The following SNTG1 variants were observed in gnomAD, a reference collection of about 807,000 sequenced individuals.
SNTG1 encodes syntrophin gamma 1.
A neutral mutation model predicts 74.7 loss-of-function variants in SNTG1; 39 were observed. That is an observed-to-expected ratio of 0.52 (90% confidence interval 0.40 to 0.68). SNTG1 has a LOEUF of 0.68. Ranked by LOEUF, SNTG1 falls within the 30% of genes least tolerant of loss-of-function variation. SNTG1 has a pLI of 0.00. For missense variants in SNTG1, 685 were observed against 609.5 expected, an observed-to-expected ratio of 1.12 and a Z score of -1.30; for synonymous variants, 254 against 217.1, an observed-to-expected ratio of 1.17 and a Z score of -1.49.
chr8:50,038,031 T>C (rs1023225070), intron 1 of SNTG1, among the ~76,000 whole-genome samples: 3 of 152,124 alleles, frequency 2.0e-5, no homozygotes, highest in Non-Finnish European at 4.4e-5. Flanking sequence ...CCTTCCACAC[T>C]CCAACTACGA....
At chr8:50,143,595 T>C (rs2081751052) in intron 1 of SNTG1, among the ~76,000 whole-genome samples, 1 of 152,222 alleles carries the variant, frequency 6.6e-6, no homozygotes. Context: ...CTTTTAAACA[T>C]ACATATGCAT....
At chr8:50,529,190 T>C (rs1404293802) in intron 9 of SNTG1, among the ~76,000 whole-genome samples, 4 of 151,956 alleles carry the variant, frequency 2.6e-5, no homozygotes, top group Non-Finnish European at 5.9e-5. Context: ...ATGTAGAAGA[T>C]ATAAATGCAA....
At chr8:50,343,706 C>A (rs2091387029) in intron 2 of SNTG1, among the ~76,000 whole-genome samples, 1 of 152,116 alleles carries the variant, frequency 6.6e-6, no homozygotes, top group African/African-American at 2.4e-5. Context: ...GATTAAATTA[C>A]ATTTATGATT....
At chr8:50,000,656 A>G (rs1195072641) in intron 1 of SNTG1, among the ~76,000 whole-genome samples, 1 of 152,208 alleles carries the variant, frequency 6.6e-6, no homozygotes, top group Non-Finnish European at 1.5e-5. Flanking sequence ...CTTGGCTGCA[A>G]TAATTGAAGC....
chr8:50,192,173 T>C (rs1167644924), intron 2 of SNTG1, among the ~76,000 whole-genome samples: 3 of 152,158 alleles, frequency 2.0e-5, no homozygotes, highest in African/African-American at 4.8e-5. Flanking sequence ...TGTTGTTGTT[T>C]TGTTGTTTGT....
intron 1 of SNTG1, among the ~76,000 whole-genome samples, chr8:50,036,646 C>T (rs1818192668): frequency 6.6e-6 from 1 of 152,162 alleles, no homozygotes; most frequent in Non-Finnish European, 1.5e-5. Flanking sequence ...TCCATGTAAA[C>T]AGACAATAAT....
At chr8:50,461,204 T>A (rs976122942) in intron 8 of SNTG1, among the ~76,000 whole-genome samples, 45 of 126,772 alleles carry the variant, frequency 3.5e-4, no homozygotes, top group African/African-American at 1.1e-3. Context: ...TGTGTGTGTG[T>A]GACTGTACTG....
chr8:50,289,503 A>G (rs917195018), intron 2 of SNTG1, among the ~76,000 whole-genome samples: 1 of 152,180 alleles, frequency 6.6e-6, no homozygotes, highest in African/African-American at 2.4e-5. Flanking sequence ...GCACCATTAA[A>G]GAGTTTGCAC....
rs542692186 is a variant in SNTG1 at position 50,178,405 on chromosome 8, G to A, written c.-28+5770G>A. On this transcript the variant is annotated intron_variant, in intron 2 of 18. Transcript: ENST00000642720. ...TCTGTCTCTCTCTTCACACACGTGC[G>A]CGCGCACACACACACACACACAGGG... Among the ~76,000 whole-genome samples, 66 of 147,484 alleles carry A rather than the reference G, an allele frequency of 4.5e-4. 1 individual carries two copies. Among genetic ancestry groups the A allele is most frequent in the Admixed American group, 3.2e-3 (47 of 14,844 alleles).
intron 1 of SNTG1, among the ~76,000 whole-genome samples, chr8:50,128,400 A>G (rs756984258): frequency 1.3e-5 from 2 of 152,186 alleles, no homozygotes; most frequent in Non-Finnish European, 2.9e-5. Context: ...GCCTGTAGAA[A>G]TTTAAAAGCA....
intron 13 of SNTG1, among the ~76,000 whole-genome samples, chr8:50,595,433 A>G (rs1048062844): frequency 7.2e-5 from 11 of 152,112 alleles, no homozygotes; most frequent in Non-Finnish European, 1.3e-4. Context: ...AAGTTAAACT[A>G]AAGGAGCCCA....
intron 10 of SNTG1, among the ~76,000 whole-genome samples, chr8:50,533,967 A>C (rs2094289498): frequency 6.6e-6 from 1 of 152,204 alleles, no homozygotes; most frequent in African/African-American, 2.4e-5. Context: ...AATCTTTGAC[A>C]TTTTCTATCC....
chr8:50,428,193 C>T (rs1319255063), intron 4 of SNTG1, among the ~76,000 whole-genome samples: 2 of 152,106 alleles, frequency 1.3e-5, no homozygotes, highest in African/African-American at 4.8e-5. Context: ...GCCTGTAGTC[C>T]TAGATACTGG....
intron 13 of SNTG1, among the ~76,000 whole-genome samples, chr8:50,596,216 CT>C (rs1437438251): frequency 6.6e-6 from 1 of 151,896 alleles, no homozygotes; most frequent in Non-Finnish European, 1.5e-5. Context: ...TGTTGAGCAT[CT>C]TTTCATGTGC....
intron 1 of SNTG1, among the ~76,000 whole-genome samples, chr8:50,100,712 G>A (rs1415402411): frequency 7.2e-5 from 11 of 151,946 alleles, no homozygotes; most frequent in Admixed American, 7.2e-4. Context: ...AACAGTACTT[G>A]GTATGCATTT....
At chr8:49,999,728 C>T (rs1814574906) in intron 1 of SNTG1, among the ~76,000 whole-genome samples, 1 of 152,130 alleles carries the variant, frequency 6.6e-6, no homozygotes, top group Admixed American at 6.6e-5. Flanking sequence ...TGCCCGTTTC[C>T]TGAATCCAGG....
chr8:50,068,722 C>A (rs536038493), intron 1 of SNTG1, among the ~76,000 whole-genome samples: 1 of 152,224 alleles, frequency 6.6e-6, no homozygotes, highest in Admixed American at 6.5e-5. Flanking sequence ...TGATTCACTA[C>A]AGTATCTGTA....
At chr8:49,939,229 G>A (rs374676738) in intron 1 of SNTG1, among the ~76,000 whole-genome samples, 61 of 151,850 alleles carry the variant, frequency 4.0e-4, no homozygotes, top group African/African-American at 5.1e-4. Flanking sequence ...TAACTTTACC[G>A]TTCTAATGGG....
At chr8:50,558,256 A>G (rs2094467764) in intron 12 of SNTG1, among the ~76,000 whole-genome samples, 1 of 152,150 alleles carries the variant, frequency 6.6e-6, no homozygotes, top group Admixed American at 6.5e-5. Context: ...CTGCATGGCC[A>G]GGGGGGCCTT....
Sources: allele counts gnomAD v4.1 joint callset (sites outside exome capture counted in the v4.1 genomes callset), GRCh38; gene constraint gnomAD v4.1.1; transcripts MANE v1.5; gene names NCBI Gene and HGNC (gene_info 2026-07-23, HGNC 2026-07-21).